SNTG1: variants seen among roughly 807,000 people sequenced by gnomAD.
SNTG1 encodes syntrophin gamma 1.
A neutral mutation model predicts 74.7 loss-of-function variants in SNTG1; 39 were observed. That is an observed-to-expected ratio of 0.52 (90% CI 0.40 to 0.68). The LOEUF is 0.68. Among genes scored for constraint, SNTG1 ranks in the 30% least tolerant of loss-of-function variants. The pLI, the probability that SNTG1 is intolerant of heterozygous loss-of-function variation, is 0.00. For synonymous variants in SNTG1, 254 were observed against 217.1 expected (o/e 1.17, Z -1.49); for missense variants, 685 against 609.5 (o/e 1.12, Z -1.30).
intron 1 of SNTG1, among the ~76,000 whole-genome samples, chr8:50,023,814 T>C (rs1163758601): frequency 6.6e-6 from 1 of 152,148 alleles, no homozygotes; most frequent in Non-Finnish European, 1.5e-5. Context: ...AACAAAAATG[T>C]CTCAGGTTTC....
intron 1 of SNTG1, among the ~76,000 whole-genome samples, chr8:50,042,248 A>T (rs1818698723): frequency 6.6e-6 from 1 of 152,092 alleles, no homozygotes; most frequent in Non-Finnish European, 1.5e-5. Flanking sequence ...CCATCTCTTC[A>T]TTCCTACAGC....
At chr8:50,269,421 T>C (rs755079397) in intron 2 of SNTG1, among the ~76,000 whole-genome samples, 2 of 152,180 alleles carry the variant, frequency 1.3e-5, no homozygotes, top group African/African-American at 2.4e-5. Flanking sequence ...GTCATAATTA[T>C]GGTCATGATA....
At chr8:50,059,217 A>G (rs1301453751) in intron 1 of SNTG1, among the ~76,000 whole-genome samples, 3 of 152,042 alleles carry the variant, frequency 2.0e-5, no homozygotes, top group Admixed American at 6.6e-5. Flanking sequence ...ATGCATTTCA[A>G]TTTTTTATAT....
intron 13 of SNTG1, among the ~76,000 whole-genome samples, chr8:50,611,497 G>T (rs965990174): frequency 4.6e-5 from 7 of 152,066 alleles, no homozygotes; most frequent in Non-Finnish European, 8.8e-5. Context: ...TAATCGATTT[G>T]CTGGAAATTT....
At chr8:49,962,130 G>A (rs1171495882) in intron 1 of SNTG1, among the ~76,000 whole-genome samples, 2 of 152,090 alleles carry the variant, frequency 1.3e-5, no homozygotes, top group African/African-American at 2.4e-5. Flanking sequence ...TAAGGTCAGA[G>A]GTGGAGAGGA....
At chr8:50,295,622 A>C (rs1006301353) in intron 2 of SNTG1, among the ~76,000 whole-genome samples, 3 of 152,180 alleles carry the variant, frequency 2.0e-5, no homozygotes, top group Non-Finnish European at 4.4e-5. Context: ...AGAGATAGAC[A>C]TGACTGCCAA....
intron 1 of SNTG1, among the ~76,000 whole-genome samples, chr8:50,096,095 T>C (rs185928554): frequency 5.3e-5 from 8 of 152,314 alleles, no homozygotes; most frequent in East Asian, 1.9e-4. Flanking sequence ...TTTAAATCTT[T>C]ATAATGATGT....
intron 1 of SNTG1, among the ~76,000 whole-genome samples, chr8:50,035,677 A>G (rs1292568246): frequency 6.6e-6 from 1 of 152,198 alleles, no homozygotes; most frequent in East Asian, 1.9e-4. Flanking sequence ...GGCAAAGAAA[A>G]GACTCCCCAA....
intron 15 of SNTG1, among the ~76,000 whole-genome samples, chr8:50,703,731 A>T (rs2095434097): frequency 6.6e-6 from 1 of 152,176 alleles, no homozygotes. Context: ...TGTTTACACC[A>T]GCATGACCAC....
At chr8:50,613,455 T>A (rs889852482) in intron 13 of SNTG1, among the ~76,000 whole-genome samples, 28 of 152,178 alleles carry the variant, frequency 1.8e-4, no homozygotes, top group Non-Finnish European at 7.4e-5. Context: ...ATGAATTTAA[T>A]AATTTAAGTT....
At chr8:50,307,472 T>G (rs2089948915) in intron 2 of SNTG1, among the ~76,000 whole-genome samples, 1 of 152,124 alleles carries the variant, frequency 6.6e-6, no homozygotes, top group South Asian at 2.1e-4. Flanking sequence ...AAATTTCCTC[T>G]CTTCCATCTT....
Position 50,352,270 on chromosome 8 carries a change from C to A in SNTG1, c.-27-41942C>A, listed in dbSNP as rs531843760. ...TCAGAACAGAGTTGAACTAATGTGT[C>A]CCTGTTTTAATTGATTCTTGAGGAA... On this transcript the variant is annotated intron_variant, in intron 2 of 18. Coordinates refer to ENST00000642720, the MANE Select transcript of SNTG1 (RefSeq NM_018967.5). Among the ~76,000 whole-genome samples the A allele has an allele frequency of 7.9e-5, 12 of 152,198 alleles. No individual in the cohort carries two copies. The East Asian group carries it at 2.3e-3, about 29-fold the overall frequency.
At chr8:50,454,570 G>A (rs184640194) in intron 8 of SNTG1, among the ~76,000 whole-genome samples, 291 of 152,046 alleles carry the variant, frequency 1.9e-3, no homozygotes, top group Non-Finnish European at 3.3e-3. Flanking sequence ...GGCAGGGCGT[G>A]GTGGCTCACG....
intron 17 of SNTG1, among the ~76,000 whole-genome samples, chr8:50,714,618 C>A (rs1473636166): frequency 6.6e-6 from 1 of 151,954 alleles, no homozygotes; most frequent in African/African-American, 2.4e-5. Flanking sequence ...GCATGGATGA[C>A]AAAGTCAAAG....
chr8:49,910,176 G>C (rs2449960), upstream of SNTG1, among the ~76,000 whole-genome samples: 124,995 of 152,156 alleles, frequency 0.82, 53,689 homozygotes, highest in Non-Finnish European at 0.94. Flanking sequence ...GGACTTCCCT[G>C]TAGTGTCAGA....
intron 1 of SNTG1, among the ~76,000 whole-genome samples, chr8:49,962,888 C>T (rs1479073418): frequency 6.6e-6 from 1 of 152,188 alleles, no homozygotes; most frequent in Non-Finnish European, 1.5e-5. Flanking sequence ...CCACTGCGCC[C>T]AACAAAGAGT....
chr8:50,460,398 G>A (rs2093549763), intron 8 of SNTG1, among the ~76,000 whole-genome samples: 1 of 152,128 alleles, frequency 6.6e-6, no homozygotes, highest in Non-Finnish European at 1.5e-5. Context: ...TTTGTTGGAT[G>A]CATAGTTTGT....
chr8:50,246,904 C>A (rs1373653484), intron 2 of SNTG1, among the ~76,000 whole-genome samples: 1 of 152,184 alleles, frequency 6.6e-6, no homozygotes, highest in Non-Finnish European at 1.5e-5. Flanking sequence ...GATTGAAACA[C>A]TGAAGCCACT....
At chr8:50,035,135 CT>C (rs1272653702) in intron 1 of SNTG1, among the ~76,000 whole-genome samples, 1 of 152,156 alleles carries the variant, frequency 6.6e-6, no homozygotes, top group East Asian at 1.9e-4. Context: ...CACCAAACTT[CT>C]TCCTGAAATC....
Sources: allele counts gnomAD v4.1 joint callset (sites outside exome capture counted in the v4.1 genomes callset), GRCh38; gene constraint gnomAD v4.1.1; transcripts MANE v1.5; gene names NCBI Gene and HGNC (gene_info 2026-07-23, HGNC 2026-07-21).